The following ARL1 variants were observed in gnomAD, a reference collection of about 807,000 sequenced individuals.
ARL1 encodes the protein ADP-ribosylation factor-like protein 1.
Under a neutral mutation model 30.1 loss-of-function variants are expected in ARL1, and 17 were observed. The observed-to-expected ratio is 0.56, with a 90% CI of 0.39 to 0.85. The LOEUF (loss-of-function observed/expected upper bound fraction) is 0.85. ARL1 is among the 40% of genes least tolerant of loss of function. The probability of loss-of-function intolerance (pLI) is 0.00; values close to 1 mark genes in which losing one functional copy is unlikely to be tolerated. For synonymous variants in ARL1, 58 were observed against 71.7 expected (o/e 0.81, Z 0.97); for missense variants, 102 against 212.6 (o/e 0.48, Z 3.24).
At chr12:101,406,186 T>A (rs779228490) in intron 1 of ARL1, among the ~76,000 whole-genome samples, 16 of 152,220 alleles carry the variant, frequency 1.1e-4, no homozygotes, top group Admixed American at 2.0e-4. Flanking sequence ...CTTAGTTATG[T>A]TACTATTGTG....
At chr12:101,403,300 G>A in intron 2 of ARL1, 1 of 404,744 alleles carries the variant, frequency 2.5e-6, no homozygotes, top group Non-Finnish European at 4.7e-6. Flanking sequence ...ATTAAAAAAA[G>A]AATTTAAAAA....
chr12:101,396,125 T>C, intron 5 of ARL1: 1 of 598,268 alleles, frequency 1.7e-6, no homozygotes, highest in Non-Finnish European at 3.0e-6. Context: ...AGCTAATTCC[T>C]GAAGGATAAG....
chr12:101,402,347 C>T (rs951167814), intron 3 of ARL1, among the ~76,000 whole-genome samples: 1 of 152,134 alleles, frequency 6.6e-6, no homozygotes, highest in Admixed American at 6.6e-5. Flanking sequence ...CACCACCATG[C>T]CCAGCTAATT....
At chr12:101,399,850 T>C (rs1871255308) in intron 4 of ARL1, among the ~76,000 whole-genome samples, 1 of 152,240 alleles carries the variant, frequency 6.6e-6, no homozygotes, top group African/African-American at 2.4e-5. Context: ...GTACTATACA[T>C]TGTTCCTCCT....
chr12:101,402,873 T>C lies in ARL1; in HGVS notation c.216A>G (p.Thr72=). The C allele has an allele frequency of 1.2e-6, 2 of 1,610,130 alleles. No individual in the cohort carries two copies. The highest frequency in any genetic ancestry group is 1.7e-6 in the Non-Finnish European group (2 of 1,176,754). ...TGGTCTTTGTACCATACCTGATACT[T>C]GTCTGTCCTCCTAAATCCCAGACTT... ...KFQVWDLGGQ[T]SIRPYWRCYY... is the part of the protein sequence containing the mutation. The change falls in exon 3 of 6, where the codon ACA becomes ACG. Residue 72 remains threonine (T), a synonymous_variant. Coordinates refer to ENST00000261636, the MANE Select transcript of ARL1 (RefSeq NM_001177.6).
chr12:101,404,978 T>A (rs1871399745), intron 2 of ARL1, among the ~76,000 whole-genome samples: 1 of 152,156 alleles, frequency 6.6e-6, no homozygotes, highest in South Asian at 2.1e-4. Flanking sequence ...TTCAAGCGAT[T>A]CTCCTGCCTC....
At chr12:101,403,000 A>C in intron 2 of ARL1, 54 bp from the exon 3 acceptor site, 1 of 1,190,782 alleles carries the variant, frequency 8.4e-7, no homozygotes, top group African/African-American at 1.5e-5. Flanking sequence ...TCCACCTTCA[A>C]AATATCCTAT....
chr12:101,394,751 T>C lies in ARL1; in HGVS notation c.*889A>G, dbSNP rs1555204336. 2.6e-5 allele frequency: 4 copies of C among 152,228 alleles called. No individual in the cohort carries two copies. Among genetic ancestry groups the C allele is most frequent in the Non-Finnish European group, 1.5e-5 (1 of 68,030 alleles). The allele number at this position is 152,228 out of a possible 1,614,324, so 9.4% of individuals were successfully genotyped here. A position where few individuals can be genotyped will look rare whatever the true frequency, so the allele number is the denominator to read the frequency against. On this transcript the variant is annotated 3_prime_UTR_variant, in exon 6 of 6. Transcript: ENST00000261636. ...CTACTAGTATAGACAAATAAATTTA[T>C]AAACATTATTTTGAATGTAACTAAT...
At chr12:101,402,764 T>A (rs1048522211) in intron 3 of ARL1, 101 bp downstream of exon 3, 8 of 701,410 alleles carry the variant, frequency 1.1e-5, no homozygotes, top group African/African-American at 1.8e-5. Context: ...GTGGCTCCAT[T>A]TAAATTACAA....
chr12:101,404,022 A>G (rs948975956), intron 2 of ARL1, among the ~76,000 whole-genome samples: 2 of 152,188 alleles, frequency 1.3e-5, no homozygotes, highest in Non-Finnish European at 2.9e-5. Context: ...TTTGTTTTAT[A>G]TTTAAGTCTG....
At position 101,395,364 on chromosome 12, in the gene ARL1, G is replaced by A; in HGVS notation, c.*276C>T. On this transcript the variant is annotated 3_prime_UTR_variant, in exon 6 of 6. Transcript: ENST00000261636. ...TAGGAGTATACTCTTTAATAGAACT[G>A]TATTTGAATAAGAATTCCATACAAA... is the stretch of plus-strand genomic sequence containing the variant. 2.9e-6 allele frequency: 1 copy of A among 348,844 alleles called. No homozygotes were observed. Among genetic ancestry groups the A allele is most frequent in the Non-Finnish European group, 5.1e-6 (1 of 194,774 alleles). 21.6% of individuals were successfully genotyped at this position (348,844 alleles called of 1,614,324 possible).
Position 101,402,850 on chromosome 12 carries a change from G to C in ARL1, c.224+15C>G. 6.3e-7 allele frequency: 1 copy of C among 1,586,260 alleles called. No homozygotes were observed. The stretch of plus-strand genomic sequence containing the variant: ...ATGTCAAATACTACCAAATAACCTG[G>C]TCTTTGTACCATACCTGATACTTGT... On this transcript the variant is annotated intron_variant, in intron 3 of 5. Transcript: ENST00000261636.
rs1476762575 is a variant in ARL1 at position 101,393,157 on chromosome 12, T to C, written c.*2483A>G. 6.6e-6 allele frequency: 1 copy of C among 152,136 alleles called. No individual in the cohort carries two copies. Among genetic ancestry groups the C allele is most frequent in the Non-Finnish European group, 1.5e-5 (1 of 68,020 alleles). The allele number at this position is 152,136 out of a possible 1,614,324, so 9.4% of individuals were successfully genotyped here. A position where few individuals can be genotyped will look rare whatever the true frequency, so the allele number is the denominator to read the frequency against. The stretch of plus-strand genomic sequence containing the variant: ...CGTCTTTGTTTTTAATCAATACATA[T>C]TTATTGAGTGCCTACTGTGTGCCAG... On this transcript the variant is annotated 3_prime_UTR_variant, in exon 6 of 6. Transcript: ENST00000261636.
chr12:101,396,203 C>A (rs1565814221), intron 5 of ARL1, 196 bp downstream of exon 5: 1 of 687,738 alleles, frequency 1.5e-6, no homozygotes, highest in East Asian at 2.7e-5. Flanking sequence ...ATCTAAGTAA[C>A]TGTAATCAGG....
intron 4 of ARL1, among the ~76,000 whole-genome samples, chr12:101,399,224 C>T (rs972389819): frequency 6.6e-6 from 1 of 151,928 alleles, no homozygotes; most frequent in South Asian, 2.1e-4. Context: ...GGGCTGAGCG[C>T]GGTGGCTCAT....
chr12:101,407,483 T>C, intron 1 of ARL1, 159 bp downstream of exon 1: 1 of 932,104 alleles, frequency 1.1e-6, no homozygotes. Flanking sequence ...GATCCACCCC[T>C]ACAGATGAAG....
Position 101,405,170 on chromosome 12 carries a change from C to T in ARL1, c.142+674G>A, listed in dbSNP as rs149791559. Reference sequence around the variant, plus strand: ...ACAGGCGTGAGCTCCTGTGCCCGGCCTTCTCTTGATATTTTTAAGGTACCA... The same window carrying T: ...ACAGGCGTGAGCTCCTGTGCCCGGCTTTCTCTTGATATTTTTAAGGTACCA... On this transcript the variant is annotated intron_variant, in intron 2 of 5. Coordinates refer to ENST00000261636, the MANE Select transcript of ARL1 (RefSeq NM_001177.6). Among the ~76,000 whole-genome samples, 501 of 152,284 alleles carry T rather than the reference C, an allele frequency of 3.3e-3. 5 individuals carry two copies. Among genetic ancestry groups the T allele is most frequent in the South Asian group, 0.025 (123 of 4,824 alleles).
chr12:101,407,228 C>T (rs1354791463), intron 1 of ARL1: 3 of 223,286 alleles, frequency 1.3e-5, no homozygotes, highest in African/African-American at 4.5e-5. Flanking sequence ...AATGATTAAG[C>T]TTCCACTCTG....
rs769263709 is a variant in ARL1, at chr12:101,396,345, A to G, written c.515+54T>C. On this transcript the variant is annotated intron_variant, in intron 5 of 5. Transcript: ENST00000261636. ...GGAGAAAAATTACACGTGGACGTGC[A>G]TAGCTGCAAGCACACACAAATGCAC... 5.0e-5 allele frequency: 80 copies of G among 1,605,420 alleles called. No homozygotes were observed. In the East Asian group the frequency reaches 1.7e-3, roughly 35 times the overall value.
Sources: allele counts gnomAD v4.1 joint callset (sites outside exome capture counted in the v4.1 genomes callset), GRCh38; gene constraint gnomAD v4.1.1; transcripts MANE v1.5; gene names NCBI Gene and HGNC (gene_info 2026-07-23, HGNC 2026-07-21).